Variants in RMDN2 observed in about 807,000 individuals in gnomAD.
RMDN2 encodes the protein regulator of microtubule dynamics 2.
In RMDN2, 61 loss-of-function variants were observed where a neutral mutation model predicts 52.8. The observed-to-expected ratio is 1.16, with a 90% CI of 0.94 to 1.43. RMDN2 has a LOEUF of 1.43. Ranked by LOEUF, RMDN2 falls within the 40% of genes most tolerant of loss-of-function variation. The pLI is 0.00. For missense variants in RMDN2, 592 were observed against 475.3 expected (o/e 1.25, Z -2.28); for synonymous variants, 180 against 153.1 (o/e 1.18, Z -1.30).
rs539033142 is a variant in RMDN2, at chr2:37,953,647, A to T, written c.453-20393A>T. ...AACTATTGTGAATAATGCACTGTCT[A>T]TGAACACGTGCATGCAACTGTCTGT... On this transcript the variant is annotated intron_variant, in intron 2 of 10. Coordinates refer to ENST00000354545, the MANE Select transcript of RMDN2 (RefSeq NM_001170791.3). Among the ~76,000 whole-genome samples the T allele has an allele frequency of 2.6e-5, 4 of 152,200 alleles. No homozygotes were observed. The South Asian group carries it at 8.3e-4, about 31-fold the overall frequency.
chr2:37,970,416 A>G lies in RMDN2; in HGVS notation c.453-3624A>G, dbSNP rs79962622. Among the ~76,000 whole-genome samples, 222 of 152,232 alleles carry G rather than the reference A, an allele frequency of 1.5e-3. 4 individuals are homozygous for G. The East Asian group carries it at 0.04, about 27-fold the overall frequency. On this transcript the variant is annotated intron_variant, in intron 2 of 10. Transcript: ENST00000354545. Reference sequence around the variant, plus strand: ...ATTTGGTTGTAATACATAATTTTATATTTGTTGCAATAGCTTGATTGATAT... The same window carrying G: ...ATTTGGTTGTAATACATAATTTTATGTTTGTTGCAATAGCTTGATTGATAT...
chr2:37,949,947 G>T (rs901197804), intron 2 of RMDN2: 1 of 162,966 alleles, frequency 6.1e-6, no homozygotes, highest in African/African-American at 2.4e-5. Flanking sequence ...GCATATCCCC[G>T]TAATCTGTGC....
chr2:38,055,950 T>C lies in RMDN2; in HGVS notation c.1714-11032T>C, dbSNP rs142963694. Among the ~76,000 whole-genome samples, 508 of 152,206 alleles carry C rather than the reference T, an allele frequency of 3.3e-3. 1 individual carries two copies. Among genetic ancestry groups the C allele is most frequent in the African/African-American group, 8.4e-3 (347 of 41,514 alleles). ...AAGGTTCTGTTAACAAGTAGGGTGA[T>C]GGATATTGGGTAGACATTAACAGTA... On this transcript the variant is annotated intron_variant, in intron 10 of 10. Transcript: ENST00000234195.
intron 10 of RMDN2, among the ~76,000 whole-genome samples, chr2:38,055,857 T>C (rs1487616756): frequency 1.3e-5 from 2 of 152,192 alleles, no homozygotes; most frequent in Non-Finnish European, 2.9e-5. Context: ...TGATTTAGGC[T>C]AGTCAGGATT....
rs533296854 is a variant in RMDN2 at position 38,035,736 on chromosome 2, A to G, written c.1714-31246A>G. Among the ~76,000 whole-genome samples the G allele has an allele frequency of 4.8e-3, 734 of 152,324 alleles. 2 individuals carry two copies. Among genetic ancestry groups the G allele is most frequent in the Non-Finnish European group, 8.0e-3 (542 of 68,016 alleles). ...AGGATAGGCTATGAATTATTAAGCAACTGGTTTATATCTAGTTTAACCAGC... is the reference window on the plus strand; with the variant it reads ...AGGATAGGCTATGAATTATTAAGCAGCTGGTTTATATCTAGTTTAACCAGC... On this transcript the variant is annotated intron_variant, in intron 10 of 10. Transcript: ENST00000234195.
chr2:37,987,053 T>C (rs1368740396), intron 5 of RMDN2, among the ~76,000 whole-genome samples: 2 of 151,938 alleles, frequency 1.3e-5, no homozygotes, highest in African/African-American at 4.8e-5. Flanking sequence ...GCAAAGACAA[T>C]GATATGATTG....
chr2:38,018,206 A>AT (rs1162955661), downstream of RMDN2, among the ~76,000 whole-genome samples: 1 of 152,002 alleles, frequency 6.6e-6, no homozygotes, highest in East Asian at 1.9e-4. Flanking sequence ...ACTAGCAAGG[A>AT]TTTTTTTTCT....
At chr2:38,044,505 C>T (rs1681153273) in intron 10 of RMDN2, among the ~76,000 whole-genome samples, 1 of 151,724 alleles carries the variant, frequency 6.6e-6, no homozygotes, top group Non-Finnish European at 1.5e-5. Context: ...ATTCCCATTT[C>T]CCATTATGCA....
At position 37,972,902 on chromosome 2, in the gene RMDN2, A is replaced by T. The variant is rs192624080; in HGVS notation, c.453-1138A>T. ...CCGTTAGTAAAGAATGTTATTGAAG[A>T]AGTGGGAGATCAGTTCATACAGTAT... is the stretch of plus-strand genomic sequence containing the variant. On this transcript the variant is annotated intron_variant, in intron 2 of 10. Coordinates refer to ENST00000354545, the MANE Select transcript of RMDN2 (RefSeq NM_001170791.3). Among the ~76,000 whole-genome samples the T allele has an allele frequency of 1.1e-4, 16 of 152,336 alleles. No homozygotes were observed. The East Asian group carries it at 3.1e-3, about 29-fold the overall frequency.
At chr2:38,004,789 A>T (rs1247742788) in intron 10 of RMDN2, among the ~76,000 whole-genome samples, 1 of 151,560 alleles carries the variant, frequency 6.6e-6, no homozygotes, top group African/African-American at 2.4e-5. Context: ...GGTGTGCTGC[A>T]CCCATTAACT....
chr2:37,922,240 A>G (rs1666052118), upstream of RMDN2, among the ~76,000 whole-genome samples: 1 of 152,212 alleles, frequency 6.6e-6, no homozygotes, highest in African/African-American at 2.4e-5. Flanking sequence ...TTATACCTGC[A>G]GCTCAGCCTT....
chr2:37,926,981 G>T (rs1005230268), intron 1 of RMDN2, among the ~76,000 whole-genome samples: 1 of 151,824 alleles, frequency 6.6e-6, no homozygotes, highest in Non-Finnish European at 1.5e-5. Context: ...AAATTATTCT[G>T]AAGGCAAGCA....
At chr2:38,054,709 C>A (rs565446474) in intron 10 of RMDN2, among the ~76,000 whole-genome samples, 2 of 152,234 alleles carry the variant, frequency 1.3e-5, no homozygotes, top group East Asian at 3.9e-4. Context: ...TTTATGAATT[C>A]TCTTCTCTCT....
intron 10 of RMDN2, among the ~76,000 whole-genome samples, chr2:38,048,994 A>G (rs1264689329): frequency 6.6e-6 from 1 of 152,262 alleles, no homozygotes; most frequent in Non-Finnish European, 1.5e-5. Flanking sequence ...TAGGGCCATA[A>G]GATAAATTAA....
intron 2 of RMDN2, among the ~76,000 whole-genome samples, chr2:37,960,612 C>G (rs1670089434): frequency 6.6e-6 from 1 of 152,076 alleles, no homozygotes. Flanking sequence ...CAGTCTGTGT[C>G]TTTTAATTGG....
At chr2:38,000,356 A>C (rs1407482864) in intron 8 of RMDN2, among the ~76,000 whole-genome samples, 1 of 152,218 alleles carries the variant, frequency 6.6e-6, no homozygotes, top group Non-Finnish European at 1.5e-5. Context: ...ATAGTTTATA[A>C]GCAATAAATT....
At chr2:37,945,923 G>A (rs1342480039) in intron 2 of RMDN2, among the ~76,000 whole-genome samples, 1 of 152,104 alleles carries the variant, frequency 6.6e-6, no homozygotes, top group East Asian at 1.9e-4. Context: ...GTAAGGTGAA[G>A]GTGCATATGA....
intron 8 of RMDN2, chr2:38,002,992 G>A (rs576060025): frequency 6.6e-6 from 1 of 152,280 alleles, no homozygotes; most frequent in African/African-American, 2.4e-5. Context: ...TACCATACCT[G>A]AAAGAATTCT....
intron 10 of RMDN2, among the ~76,000 whole-genome samples, chr2:38,039,149 T>C (rs750840089): frequency 6.6e-5 from 10 of 152,132 alleles, no homozygotes; most frequent in Non-Finnish European, 8.8e-5. Flanking sequence ...TAATTTTAAC[T>C]ATATTCATAT....
Sources: allele counts gnomAD v4.1 joint callset (sites outside exome capture counted in the v4.1 genomes callset), GRCh38; gene constraint gnomAD v4.1.1; transcripts MANE v1.5; gene names NCBI Gene and HGNC (gene_info 2026-07-23, HGNC 2026-07-21).